Variants in DLC1 observed in about 807,000 individuals in gnomAD.
DLC1 encodes rho GTPase-activating protein 7.
DLC1 carries 54 observed loss-of-function variants against 140.3 expected under a neutral mutation model. The observed-to-expected ratio is 0.38, with a 90% CI of 0.31 to 0.48. The LOEUF (loss-of-function observed/expected upper bound fraction) is 0.48. DLC1 is among the 20% of genes least tolerant of loss of function. DLC1 has a pLI of 0.96. For missense variants in DLC1, 2,536 were observed against 1,907.0 expected (o/e 1.33, Z -6.14); for synonymous variants, 986 against 728.1 (o/e 1.35, Z -5.70).
chr8:13,190,275 C>T (rs13275584), intron 5 of DLC1, among the ~76,000 whole-genome samples: 101,690 of 151,884 alleles, frequency 0.67, 34,433 homozygotes, highest in East Asian at 0.86. Flanking sequence ...TGGCTACCCT[C>T]TTGGCCATTG....
At position 13,499,431 on chromosome 8, in the gene DLC1, A is replaced by G. The variant is rs765663097; in HGVS notation, c.641T>C (p.Leu214Ser). 2 of 1,613,896 alleles carry G rather than the reference A, an allele frequency of 1.2e-6. No homozygotes were observed. Among genetic ancestry groups the G allele is most frequent in the East Asian group, 2.2e-5 (1 of 44,884 alleles). ...CTCAGGTGCAATATCTTTCACGTTC[A>G]AAGTATCCACTGCATTTACTTTGGG... ...DAPKVNAVDT[L>S]NVKDIAPEKQ... is the part of the protein sequence containing the mutation. The change falls in exon 2 of 18, where the codon TTG becomes TCG. Residue 214 changes from leucine to serine, a missense_variant. Transcript: ENST00000276297.
intron 5 of DLC1, among the ~76,000 whole-genome samples, chr8:13,179,836 A>T (rs959697531): frequency 1.3e-5 from 2 of 152,180 alleles, no homozygotes; most frequent in African/African-American, 4.8e-5. Flanking sequence ...AAAAATGGAG[A>T]TAGTATTTGG....
intron 4 of DLC1, among the ~76,000 whole-genome samples, chr8:13,389,154 G>A (rs75722642): frequency 5.6e-4 from 85 of 151,774 alleles, no homozygotes; most frequent in African/African-American, 1.9e-3. Flanking sequence ...TGTTTTCTGG[G>A]GCTTGGCTCT....
chr8:13,400,795 C>T (rs1837259675), intron 3 of DLC1, among the ~76,000 whole-genome samples: 1 of 151,970 alleles, frequency 6.6e-6, no homozygotes, highest in African/African-American at 2.4e-5. Context: ...TAGATCTGCA[C>T]AAACTAAGGC....
At chr8:13,468,082 T>A (rs893137491) in intron 2 of DLC1, among the ~76,000 whole-genome samples, 1 of 152,204 alleles carries the variant, frequency 6.6e-6, no homozygotes. Flanking sequence ...TAAAATTCAC[T>A]TGTAAAATCA....
chr8:13,313,453 C>A (rs1275731045), intron 4 of DLC1, among the ~76,000 whole-genome samples: 1 of 152,132 alleles, frequency 6.6e-6, no homozygotes, highest in Middle Eastern at 3.2e-3. Flanking sequence ...ATTTTTGGCA[C>A]TTTTCTAGAA....
intron 2 of DLC1, among the ~76,000 whole-genome samples, chr8:13,431,111 G>C (rs1475488748): frequency 1.3e-5 from 2 of 152,156 alleles, no homozygotes; most frequent in African/African-American, 4.8e-5. Flanking sequence ...ACTATTCAAA[G>C]TAGCTTAAGC....
At chr8:13,086,089 ACC>A (rs1383201203) in intron 17 of DLC1, 158 bp from the exon 18 acceptor site, 5 of 1,381,616 alleles carry the variant, frequency 3.6e-6, no homozygotes, top group Non-Finnish European at 4.8e-6. Flanking sequence ...TTGCTTTAGA[ACC>A]ACATTTTCTA....
Position 13,083,408 on chromosome 8 carries a change from T to C in DLC1, c.*2403A>G, listed in dbSNP as rs954463619. The C allele has an allele frequency of 1.3e-5, 2 of 151,940 alleles. No individual in the cohort carries two copies. The highest frequency in any genetic ancestry group is 2.9e-5 in the Non-Finnish European group (2 of 67,982). 9.4% of individuals were successfully genotyped at this position (151,940 alleles called of 1,614,324 possible). A position where few individuals can be genotyped will look rare whatever the true frequency, so the allele number is the denominator to read the frequency against. On this transcript the variant is annotated 3_prime_UTR_variant, in exon 18 of 18. Coordinates refer to ENST00000276297, the MANE Select transcript of DLC1 (RefSeq NM_182643.3). The stretch of plus-strand genomic sequence containing the variant: ...TTATTAGGTGCCTACAAGTACAAAA[T>C]ACTGAAAGCCGCTGCAGGGGATTAT...
chr8:13,103,227 C>T (rs1044279389), intron 7 of DLC1, among the ~76,000 whole-genome samples: 9 of 151,878 alleles, frequency 5.9e-5, no homozygotes, highest in African/African-American at 2.2e-4. Context: ...AGGAGAATGG[C>T]GTGAACCCGG....
chr8:13,104,056 T>G (rs1210281285), intron 7 of DLC1, among the ~76,000 whole-genome samples: 1 of 152,042 alleles, frequency 6.6e-6, no homozygotes, highest in East Asian at 1.9e-4. Context: ...AATTTTAGAG[T>G]CCTTGCACAG....
Position 13,085,861 on chromosome 8 carries a change from C to G in DLC1, c.4537G>C (p.Asp1513His), listed in dbSNP as rs373060484. The G allele has an allele frequency of 6.8e-6, 11 of 1,614,164 alleles. No homozygotes were observed. The highest frequency in any genetic ancestry group is 9.3e-6 in the Non-Finnish European group (11 of 1,180,024). Residue 1513 changes from aspartate (D) to histidine (H), a missense_variant, in exon 18 of 18, where the codon GAT becomes CAT. Transcript: ENST00000276297. ...LCAAEVVKIR[D>H]SFSNQNTETK... ...TCAGTGTTCTGGTTACTGAAGGAATCCCGGATCTTTACAACTTCAGCTGCA... is the reference window on the plus strand; with the variant it reads ...TCAGTGTTCTGGTTACTGAAGGAATGCCGGATCTTTACAACTTCAGCTGCA...
intron 5 of DLC1, among the ~76,000 whole-genome samples, chr8:13,133,748 T>G (rs1432657252): frequency 6.6e-6 from 1 of 152,052 alleles, no homozygotes; most frequent in Admixed American, 6.5e-5. Flanking sequence ...TTGGTAGCTC[T>G]GCGTACTTTT....
Position 13,586,302 on chromosome 8 carries a change from A to G in DLC1, c.-126+18235T>C, listed in dbSNP as rs1220446202. On this transcript the variant is annotated intron_variant, in intron 1 of 1. Transcript: ENST00000631382. ...GAGGCTCTGAAACTTGGCCACCAGT[A>G]GTAGGAAAGAAGAAGAGGAGATAGA... 3.3e-5 allele frequency among the ~76,000 whole-genome samples: 5 copies of G among 152,206 alleles called. No individual in the cohort carries two copies. In the East Asian group the frequency reaches 7.7e-4, roughly 23 times the overall value.
At chr8:13,266,313 T>C (rs1830686747) in intron 5 of DLC1, among the ~76,000 whole-genome samples, 1 of 152,192 alleles carries the variant, frequency 6.6e-6, no homozygotes, top group South Asian at 2.1e-4. Context: ...TTCTCTTACC[T>C]GGTACTCATG....
At chr8:13,310,828 A>G (rs1414271194) in intron 4 of DLC1, among the ~76,000 whole-genome samples, 2 of 152,186 alleles carry the variant, frequency 1.3e-5, no homozygotes, top group African/African-American at 4.8e-5. Context: ...TTCATTAAAA[A>G]TATAGTCTCT....
chr8:13,590,269 T>G (rs1805474924), intron 1 of DLC1, among the ~76,000 whole-genome samples: 1 of 152,034 alleles, frequency 6.6e-6, no homozygotes, highest in Non-Finnish European at 1.5e-5. Context: ...GAGTCCTCCC[T>G]TTCTAAGGTA....
chr8:13,145,461 A>G (rs1055104190), intron 5 of DLC1, among the ~76,000 whole-genome samples: 1 of 152,128 alleles, frequency 6.6e-6, no homozygotes, highest in South Asian at 2.1e-4. Flanking sequence ...ACTTCTTAAG[A>G]AAAATTTTAC....
chr8:13,099,690 G>A lies in DLC1; in HGVS notation c.2647C>T (p.Pro883Ser), dbSNP rs1818840475. 1.2e-6 allele frequency: 2 copies of A among 1,614,154 alleles called. No homozygotes were observed. The highest frequency in any genetic ancestry group is 4.5e-5 in the East Asian group (2 of 44,874). Residue 883 changes from proline (P) to serine (S), a missense_variant, in exon 9 of 18, where the codon CCG becomes TCG. Transcript: ENST00000276297. ...SSRLSIYDNV[P>S]GSILYSSSGD... ...GAACTGGAGTAGAGGATGGAGCCCG[G>A]CACGTTGTCGTAGATGCTCAGGCGG...
Sources: gnomAD v4.1 joint callset for allele counts (sites outside exome capture counted in the v4.1 genomes callset) on GRCh38, gnomAD v4.1.1 for gene constraint, MANE v1.5 for transcripts, NCBI Gene and HGNC (gene_info 2026-07-23, HGNC 2026-07-21) for gene names.